BRINP2: variants seen among roughly 807,000 people sequenced by gnomAD.
BRINP2 encodes the protein BMP/retinoic acid inducible neural specific 2, also known as BMP/retinoic acid-inducible neural-specific protein 2.
Under a neutral mutation model 69.2 loss-of-function variants are expected in BRINP2, and 21 were observed. That is an observed-to-expected ratio of 0.30 (90% CI 0.22 to 0.44). BRINP2 has a LOEUF of 0.44. BRINP2 is among the 20% of genes least tolerant of loss of function. The pLI, the probability that BRINP2 is intolerant of heterozygous loss-of-function variation, is 1.00. For synonymous variants in BRINP2, 380 were observed against 394.1 expected (o/e 0.96, Z 0.42); for missense variants, 877 against 986.0 (o/e 0.89, Z 1.48).
intron 2 of BRINP2, among the ~76,000 whole-genome samples, chr1:177,236,410 G>T (rs528741114): frequency 6.6e-6 from 1 of 152,270 alleles, no homozygotes; most frequent in Non-Finnish European, 1.5e-5. Context: ...AAAGCATTCT[G>T]CTGTCTTGGA....
intron 7 of BRINP2, 160 bp from the exon 8 acceptor site, chr1:177,280,252 C>T: frequency 1.3e-6 from 1 of 777,324 alleles, no homozygotes; most frequent in South Asian, 1.9e-5. Context: ...CTCAATCAGT[C>T]CAAAGTAGCA....
chr1:177,189,934 T>C (rs1313513438), intron 1 of BRINP2, among the ~76,000 whole-genome samples: 1 of 152,210 alleles, frequency 6.6e-6, no homozygotes, highest in East Asian at 1.9e-4. Context: ...ATCAGTGTGC[T>C]CTCAGCCAAG....
intron 1 of BRINP2, among the ~76,000 whole-genome samples, chr1:177,175,535 G>C (rs899001493): frequency 1.3e-5 from 2 of 152,204 alleles, no homozygotes; most frequent in African/African-American, 2.4e-5. Context: ...CCTAGTCACT[G>C]GTCTTCACGT....
chr1:177,271,067 C>T (rs556009837), intron 4 of BRINP2, among the ~76,000 whole-genome samples: 1 of 152,318 alleles, frequency 6.6e-6, no homozygotes, highest in South Asian at 2.1e-4. Context: ...AAGTACATTT[C>T]CACTTGTCTC....
intron 1 of BRINP2, 24 bp from the exon 2 acceptor site, chr1:177,229,777 A>T: frequency 6.8e-7 from 1 of 1,474,518 alleles, no homozygotes; most frequent in South Asian, 1.4e-5. Context: ...TGCTCAAATG[A>T]CAATGCCTTT....
At chr1:177,259,544 T>C (rs981830593) in intron 4 of BRINP2, among the ~76,000 whole-genome samples, 6 of 152,170 alleles carry the variant, frequency 3.9e-5, no homozygotes, top group African/African-American at 1.4e-4. Flanking sequence ...TTGAGGACTT[T>C]CATAGCTAAG....
chr1:177,245,739 A>G (rs1282921918), intron 2 of BRINP2, among the ~76,000 whole-genome samples: 1 of 152,114 alleles, frequency 6.6e-6, no homozygotes, highest in Non-Finnish European at 1.5e-5. Flanking sequence ...CTGGGCCCTC[A>G]TTCCAGTGGG....
chr1:177,258,101 T>G (rs901696436), intron 4 of BRINP2, among the ~76,000 whole-genome samples: 1 of 152,218 alleles, frequency 6.6e-6, no homozygotes, highest in East Asian at 1.9e-4. Flanking sequence ...CATGATCTCA[T>G]GAGTGTTTTT....
chr1:177,262,200 C>T (rs751312123), intron 4 of BRINP2, among the ~76,000 whole-genome samples: 3 of 152,102 alleles, frequency 2.0e-5, no homozygotes, highest in South Asian at 2.1e-4. Flanking sequence ...GCTGTTCCAG[C>T]ATATTGATAT....
chr1:177,258,612 T>C (rs1202618349), intron 4 of BRINP2, among the ~76,000 whole-genome samples: 1 of 152,236 alleles, frequency 6.6e-6, no homozygotes, highest in African/African-American at 2.4e-5. Flanking sequence ...ATGGCAACGC[T>C]GTGTCAAACA....
intron 1 of BRINP2, among the ~76,000 whole-genome samples, chr1:177,205,352 G>T (rs1007582955): frequency 6.6e-6 from 1 of 152,114 alleles, no homozygotes; most frequent in Non-Finnish European, 1.5e-5. Flanking sequence ...CATTGGCCAG[G>T]CTGGTTTCGA....
Position 177,282,284 on chromosome 1 carries a change from G to GAGAC in BRINP2, c.*758_*761dup, listed in dbSNP as rs1297741610. On this transcript the variant is annotated 3_prime_UTR_variant, in exon 8 of 8. Coordinates refer to ENST00000361539, the MANE Select transcript of BRINP2 (RefSeq NM_021165.4). ...GAAAGAAGCTCTGTCAAGTTAGAGAGAGACAATGTGTAGGAAATGTTCTTT... is the reference window on the plus strand; with the variant it reads ...GAAAGAAGCTCTGTCAAGTTAGAGAGAGACAGACAATGTGTAGGAAATGTTCTTT... 6.6e-6 allele frequency: 1 copy of GAGAC among 152,098 alleles called. No homozygotes were observed. The highest frequency in any genetic ancestry group is 2.4e-5 in the African/African-American group (1 of 41,400). The allele number at this position is 152,098 out of a possible 1,614,324, so 9.4% of individuals were successfully genotyped here.
In BRINP2 at chr1:177,271,683, C is replaced by T. The variant is rs374664798; in HGVS notation, c.670-1805C>T. On this transcript the variant is annotated intron_variant, in intron 4 of 7. Transcript: ENST00000361539. ...GTAGAGAAGCTGTCCCTGCCCCTGG[C>T]GTGGCCTCGGTCTAGTTCTCCCTGC... is the stretch of plus-strand genomic sequence containing the variant. Among the ~76,000 whole-genome samples, 16 of 152,306 alleles carry T rather than the reference C, an allele frequency of 1.1e-4. No individual in the cohort carries two copies. The East Asian group carries it at 1.4e-3, about 13-fold the overall frequency.
intron 1 of BRINP2, among the ~76,000 whole-genome samples, chr1:177,221,434 T>C (rs1649529745): frequency 6.6e-6 from 1 of 152,180 alleles, no homozygotes; most frequent in Admixed American, 6.5e-5. Context: ...CAAGTTCAAG[T>C]CCTCACTTTT....
At chr1:177,222,400 C>T (rs903406510) in intron 1 of BRINP2, among the ~76,000 whole-genome samples, 1 of 152,172 alleles carries the variant, frequency 6.6e-6, no homozygotes, top group African/African-American at 2.4e-5. Flanking sequence ...CAACCTCCAC[C>T]TCTCAGGTTC....
intron 1 of BRINP2, among the ~76,000 whole-genome samples, chr1:177,175,304 T>C (rs1432545526): frequency 6.6e-6 from 1 of 151,780 alleles, no homozygotes; most frequent in African/African-American, 2.4e-5. Flanking sequence ...GGGGGCAGGA[T>C]GCGGTGTTGC....
At chr1:177,240,432 C>G (rs1558172451) in intron 2 of BRINP2, among the ~76,000 whole-genome samples, 1 of 152,054 alleles carries the variant, frequency 6.6e-6, no homozygotes, top group Non-Finnish European at 1.5e-5. Flanking sequence ...ACACTGTACC[C>G]TATAAATGTA....
chr1:177,248,943 C>G (rs1048630115), intron 2 of BRINP2, among the ~76,000 whole-genome samples: 2 of 152,176 alleles, frequency 1.3e-5, no homozygotes, highest in Non-Finnish European at 2.9e-5. Flanking sequence ...TGCCTGAGAT[C>G]TGGCATGGCT....
intron 4 of BRINP2, among the ~76,000 whole-genome samples, chr1:177,270,561 G>A (rs1651286276): frequency 6.6e-6 from 1 of 152,036 alleles, no homozygotes; most frequent in Non-Finnish European, 1.5e-5. Context: ...GGGGGGAAAG[G>A]AAAGCTCCTA....
Sources: allele counts gnomAD v4.1 joint callset (sites outside exome capture counted in the v4.1 genomes callset), GRCh38; gene constraint gnomAD v4.1.1; transcripts MANE v1.5; gene names NCBI Gene and HGNC (gene_info 2026-07-23, HGNC 2026-07-21).